Variants in DISP2 observed in about 807,000 individuals in gnomAD.
The protein encoded by DISP2 is dispatched RND transporter family member 2, also known as protein dispatched homolog 2.
A neutral mutation model predicts 95.5 loss-of-function variants in DISP2; 59 were observed. The ratio of observed to expected loss-of-function variants is 0.62; its 90% CI spans 0.50 to 0.77. The LOEUF (loss-of-function observed/expected upper bound fraction) is 0.77. Ranked by LOEUF, DISP2 falls within the 30% of genes least tolerant of loss-of-function variation. The probability of loss-of-function intolerance (pLI) is 0.00; values close to 1 mark genes in which losing one functional copy is unlikely to be tolerated. For synonymous variants in DISP2, 827 were observed against 815.0 expected (o/e 1.01, Z -0.25); for missense variants, 1,752 against 1,854.6 (o/e 0.94, Z 1.02).
At position 40,363,613 on chromosome 15, in the gene DISP2, C is replaced by T; in HGVS notation, c.120-12C>T. 4.6e-6 allele frequency: 7 copies of T among 1,512,224 alleles called. No homozygotes were observed. In the South Asian group the frequency reaches 8.0e-5, roughly 17 times the overall value. The allele number at this position is 1,512,224 out of a possible 1,614,324, so 93.7% of individuals were successfully genotyped here. On this transcript the variant is annotated splice_polypyrimidine_tract_variant and intron_variant, in intron 1 of 7. Transcript: ENST00000267889. Reference sequence around the variant, plus strand: ...CCCCCACCCCAATCTTCCTTGTCTCCTCTCTTCCTAGCACCCAGACCAAGG... The same window carrying T: ...CCCCCACCCCAATCTTCCTTGTCTCTTCTCTTCCTAGCACCCAGACCAAGG...
In DISP2 at chr15:40,375,564, A is replaced by G. The variant is rs1409990386; in HGVS notation, c.*5246A>G. The stretch of plus-strand genomic sequence containing the variant: ...AAAAAAAAAAAATTCTTCATGAAGA[A>G]AACTGAAGCCTTCAAATAGAAATTT... On this transcript the variant is annotated 3_prime_UTR_variant, in exon 8 of 8. Coordinates refer to ENST00000267889, the MANE Select transcript of DISP2 (RefSeq NM_033510.3). 6.6e-6 allele frequency: 1 copy of G among 152,100 alleles called. No homozygotes were observed. Among genetic ancestry groups the G allele is most frequent in the Non-Finnish European group, 1.5e-5 (1 of 68,038 alleles). The allele number at this position is 152,100 out of a possible 1,614,324, so 9.4% of individuals were successfully genotyped here. A position where few individuals can be genotyped will look rare whatever the true frequency, so the allele number is the denominator to read the frequency against.
chr15:40,364,206 TC>T lies in DISP2; in HGVS notation c.450-19del, dbSNP rs1228248294. 2 of 1,613,524 alleles carry T rather than the reference TC, an allele frequency of 1.2e-6. No individual in the cohort carries two copies. The highest frequency in any genetic ancestry group is 1.7e-6 in the Non-Finnish European group (2 of 1,179,734). On this transcript the variant is annotated intron_variant, in intron 2 of 7. Transcript: ENST00000267889. The stretch of plus-strand genomic sequence containing the variant: ...GCAAGAGAACTCTGGCAAGCAAGCA[TC>T]TTTTCTTCTCTTCCACAGGCAGGAA...
chr15:40,368,207 G>A lies in DISP2; in HGVS notation c.2095G>A (p.Val699Ile). Residue 699 changes from valine to isoleucine, a missense_variant, in exon 8 of 8, where the codon GTC becomes ATC. Around this residue, in one of 5 missense-constraint regions of DISP2, gnomAD observed 732 missense variants for 714.6 expected, o/e 1.02. Coordinates refer to ENST00000267889, the MANE Select transcript of DISP2 (RefSeq NM_033510.3). ...LLFQRLLPCGVIKFRYIWICW... is the reference protein window; with the variant it reads ...LLFQRLLPCGIIKFRYIWICW... ...CTTCCAGCGCCTGCTGCCCTGCGGC[G>A]TCATCAAGTTCCGCTACATCTGGAT... 2 of 1,609,032 alleles carry A rather than the reference G, an allele frequency of 1.2e-6. No homozygotes were observed. Among genetic ancestry groups the A allele is most frequent in the Non-Finnish European group, 1.7e-6 (2 of 1,178,830 alleles).
At chr15:40,364,605 C>A in intron 4 of DISP2, 61 bp downstream of exon 4, 1 of 1,584,464 alleles carries the variant, frequency 6.3e-7, no homozygotes, top group Non-Finnish European at 8.6e-7. Context: ...CAGCCTGGGG[C>A]AGAAAGTTGG....
In DISP2 at chr15:40,367,976, A is replaced by G. The variant is rs369206931; in HGVS notation, c.1864A>G (p.Met622Val). The G allele has an allele frequency of 5.8e-6, 9 of 1,560,626 alleles. No individual in the cohort carries two copies. Among genetic ancestry groups the G allele is most frequent in the African/African-American group, 5.4e-5 (4 of 73,756 alleles). The change falls in exon 8 of 8, where the codon ATG becomes GTG. Residue 622 changes from methionine to valine, a missense_variant. Physicochemically the swap from Met to Val is conservative, Grantham distance 21. Coordinates refer to ENST00000267889, the MANE Select transcript of DISP2 (RefSeq NM_033510.3). ...LPAVRCLALF[M>V]GTAVLVHLAL... ...GGCCGTTCGCTGCCTCGCCCTCTTC[A>G]TGGGCACGGCTGTGCTGGTGCACCT...
At position 40,375,075 on chromosome 15, in the gene DISP2, T is replaced by G. The variant is rs997209021; in HGVS notation, c.*4757T>G. 8 of 152,256 alleles carry G rather than the reference T, an allele frequency of 5.3e-5. No homozygotes were observed. The highest frequency in any genetic ancestry group is 1.9e-4 in the African/African-American group (8 of 41,466). The allele number at this position is 152,256 out of a possible 1,614,324, so 9.4% of individuals were successfully genotyped here. A position where few individuals can be genotyped will look rare whatever the true frequency, so the allele number is the denominator to read the frequency against. On this transcript the variant is annotated 3_prime_UTR_variant, in exon 8 of 8. Coordinates refer to ENST00000267889, the MANE Select transcript of DISP2 (RefSeq NM_033510.3). ...CCACACCCTTGTTCACAGGGATGAC[T>G]GTAACTAAGGTCTGCAGGTATTTAT...
rs1305650182 is a variant in DISP2, at chr15:40,370,307, T to G, written c.4195T>G (p.Tyr1399Asp). 1.3e-6 allele frequency: 2 copies of G among 1,531,512 alleles called. No homozygotes were observed. The highest frequency in any genetic ancestry group is 4.1e-5 in the Admixed American group (2 of 48,706). The allele number at this position is 1,531,512 out of a possible 1,614,324, so 94.9% of individuals were successfully genotyped here. ...LRRPSTHTSG[Y>D]SS is the part of the protein sequence containing the mutation. ...CAGGCCCAGCACTCACACGTCAGGC[T>G]ATAGCAGCTGAGGGGGACCCGGGGA... The change falls in exon 8 of 8, where the codon TAT (tyrosine) becomes GAT (aspartate). Residue 1399 changes from tyrosine (Y) to aspartate (D), a missense_variant. Coordinates refer to ENST00000267889, the MANE Select transcript of DISP2 (RefSeq NM_033510.3).
At position 40,368,610 on chromosome 15, in the gene DISP2, C is replaced by A. The variant is rs773882120; in HGVS notation, c.2498C>A (p.Pro833His). ...TTCGACACCCTGCAGGAAGGCTGGC[C>A]CACGCTGTGTTTCGTGGAGACCCTC... ...SFFDTLQEGWPTLCFVETLQR... is the reference protein window; with the variant it reads ...SFFDTLQEGWHTLCFVETLQR... Residue 833 changes from proline (P) to histidine (H), a missense_variant, in exon 8 of 8, where the codon CCC becomes CAC. Around this residue, in one of 5 missense-constraint regions of DISP2, gnomAD observed 317 missense variants for 394.9 expected, o/e 0.80. Transcript: ENST00000267889. 4.4e-6 allele frequency: 7 copies of A among 1,607,082 alleles called. No homozygotes were observed. The East Asian group carries it at 1.6e-4, about 36-fold the overall frequency.
At position 40,367,669 on chromosome 15, in the gene DISP2, G is replaced by T. The variant is rs966812423; in HGVS notation, c.1557G>T (p.Gly519=). Residue 519 remains glycine (G), a synonymous_variant, in exon 8 of 8, where the codon GGG becomes GGT. Transcript: ENST00000267889. ...TCCTCACGCTCATGGTGCTGCTGGG[G>T]GTGCTGGGCTCACTGCTGGTGGCCT... ...SLFLTLMVLL[G]VLGSLLVAFF... The T allele has an allele frequency of 6.2e-7, 1 of 1,613,882 alleles. No homozygotes were observed. Among genetic ancestry groups the T allele is most frequent in the Admixed American group, 1.7e-5 (1 of 59,992 alleles).
rs1244126773 is a variant in DISP2, at chr15:40,377,957, C to T, written c.*7639C>T. 1 of 152,192 alleles carries T rather than the reference C, an allele frequency of 6.6e-6. No homozygotes were observed. The highest frequency in any genetic ancestry group is 1.5e-5 in the Non-Finnish European group (1 of 68,044). 9.4% of individuals were successfully genotyped at this position (152,192 alleles called of 1,614,324 possible). A position where few individuals can be genotyped will look rare whatever the true frequency, so the allele number is the denominator to read the frequency against. ...CTAGTTTAAACATTGCTGGAACCTACCTAACAAATCTCAAAAGCAAGACCT... is the reference window on the plus strand; with the variant it reads ...CTAGTTTAAACATTGCTGGAACCTATCTAACAAATCTCAAAAGCAAGACCT... On this transcript the variant is annotated 3_prime_UTR_variant, in exon 8 of 8. Coordinates refer to ENST00000267889, the MANE Select transcript of DISP2 (RefSeq NM_033510.3).
intron 7 of DISP2, among the ~76,000 whole-genome samples, chr15:40,366,715 G>C (rs145639034): frequency 1.6e-3 from 245 of 152,360 alleles, no homozygotes; most frequent in African/African-American, 5.6e-3. Flanking sequence ...GCTTGCTTCA[G>C]CTCATTGGAC....
chr15:40,364,503 C>A lies in DISP2; in HGVS notation c.562C>A (p.Leu188Met), dbSNP rs560118609. ...CATCTTCCTCTGCACCCTGGCTGGACTGTTGGGGGCCCGGCTGCCCGACTT... is the reference window on the plus strand; with the variant it reads ...CATCTTCCTCTGCACCCTGGCTGGAATGTTGGGGGCCCGGCTGCCCGACTT... ...AVIFLCTLAG[L>M]LGARLPDFSK... is the part of the protein sequence containing the mutation. Residue 188 changes from leucine (L) to methionine (M), a missense_variant, in exon 4 of 8, where the codon CTG becomes ATG. Coordinates refer to ENST00000267889, the MANE Select transcript of DISP2 (RefSeq NM_033510.3). The A allele has an allele frequency of 3.7e-6, 6 of 1,614,034 alleles. No individual in the cohort carries two copies. The East Asian group carries it at 1.3e-4, about 36-fold the overall frequency.
chr15:40,363,900 AGC>A lies in DISP2; in HGVS notation c.399_400del (p.Asp134TrpfsTer33). The A allele has an allele frequency of 6.4e-7, 1 of 1,569,638 alleles. No individual in the cohort carries two copies. The highest frequency in any genetic ancestry group is 8.7e-7 in the Non-Finnish European group (1 of 1,155,236). ...CTCAGCCCTTCTCCAGCCCCCTCACAGCGCGATGGGACCTGGAAGCCACCCGC... is the reference window on the plus strand; with the variant it reads ...CTCAGCCCTTCTCCAGCCCCCTCACAGCGATGGGACCTGGAAGCCACCCGC... On this transcript the variant is annotated frameshift_variant, in exon 2 of 8. Transcript: ENST00000267889. LOFTEE classifies it high-confidence loss of function.
rs1266746740 is a variant in DISP2, at chr15:40,370,354, C to G, written c.*36C>G. The G allele has an allele frequency of 1.3e-6, 2 of 1,509,612 alleles. No homozygotes were observed. The highest frequency in any genetic ancestry group is 1.8e-6 in the Non-Finnish European group (2 of 1,132,232). The allele number at this position is 1,509,612 out of a possible 1,614,324, so 93.5% of individuals were successfully genotyped here. A position where few individuals can be genotyped will look rare whatever the true frequency, so the allele number is the denominator to read the frequency against. ...GGGAGGCTGGACAGGGCGCGGAACC[C>G]TGTCATGGATGACAAGGCAAGGGCA... On this transcript the variant is annotated 3_prime_UTR_variant, in exon 8 of 8. Coordinates refer to ENST00000267889, the MANE Select transcript of DISP2 (RefSeq NM_033510.3).
chr15:40,364,765 G>A (rs1294946926), intron 4 of DISP2, 73 bp from the exon 5 acceptor site: 27 of 1,482,736 alleles, frequency 1.8e-5, no homozygotes, highest in Admixed American at 3.9e-5. Flanking sequence ...AGTCAAAGGG[G>A]CAGAGCTGAG....
Position 40,364,263 on chromosome 15 carries a change from TG to T in DISP2, c.479+11del, listed in dbSNP as rs773126409. 6.2e-7 allele frequency: 1 copy of T among 1,614,126 alleles called. No individual in the cohort carries two copies. The highest frequency in any genetic ancestry group is 8.5e-7 in the Non-Finnish European group (1 of 1,180,012). Reference sequence around the variant, plus strand: ...CTTCCAGATGCCAAAGAGGTAGGCCTGGGCCTTCCCTGGACCTCTAGGGGTG... The same window carrying T: ...CTTCCAGATGCCAAAGAGGTAGGCCTGGCCTTCCCTGGACCTCTAGGGGTG... On this transcript the variant is annotated intron_variant, in intron 3 of 7. Transcript: ENST00000267889.
rs1566918367 is a variant in DISP2 at position 40,370,793 on chromosome 15, T to A, written c.*475T>A. The stretch of plus-strand genomic sequence containing the variant: ...TCTCACCCCTTTCATGGGCTCTTCA[T>A]CAGGACACTTCCCTCTCTTTTGGGA... On this transcript the variant is annotated 3_prime_UTR_variant, in exon 8 of 8. Coordinates refer to ENST00000267889, the MANE Select transcript of DISP2 (RefSeq NM_033510.3). The A allele has an allele frequency of 2.7e-6, 1 of 368,862 alleles. No individual in the cohort carries two copies. Among genetic ancestry groups the A allele is most frequent in the African/African-American group, 2.1e-5 (1 of 47,208 alleles). The allele number at this position is 368,862 out of a possible 1,614,324, so 22.8% of individuals were successfully genotyped here. A position where few individuals can be genotyped will look rare whatever the true frequency, so the allele number is the denominator to read the frequency against.
intron 1 of DISP2, among the ~76,000 whole-genome samples, chr15:40,360,034 C>T (rs1293586274): frequency 6.6e-6 from 1 of 152,192 alleles, no homozygotes; most frequent in African/African-American, 2.4e-5. Context: ...ATAGTTAATG[C>T]GATATACATT....
In DISP2 at chr15:40,358,248, G is replaced by GCCGCCACCGCCGCCGCCGCCA. The variant is rs1889343546; in HGVS notation, c.-54_-53insACCGCCACCGCCGCCGCCGCC. 3 of 1,034,676 alleles carry GCCGCCACCGCCGCCGCCGCCA rather than the reference G, an allele frequency of 2.9e-6. No individual in the cohort carries two copies. Among genetic ancestry groups the GCCGCCACCGCCGCCGCCGCCA allele is most frequent in the Non-Finnish European group, 3.6e-6 (3 of 839,520 alleles). The allele number at this position is 1,034,676 out of a possible 1,614,324, so 64.1% of individuals were successfully genotyped here. On this transcript the variant is annotated 5_prime_UTR_variant, in exon 1 of 8. Coordinates refer to ENST00000267889, the MANE Select transcript of DISP2 (RefSeq NM_033510.3). ...GCACGAGCACCCCGCCGCCGCTGCC[G>GCCGCCACCGCCGCCGCCGCCA]CCGCCACCGCCGCCGCCGCCGCCGC...
Sources: gnomAD v4.1 joint callset for allele counts (sites outside exome capture counted in the v4.1 genomes callset) on GRCh38, gnomAD v4.1.1 for gene constraint, gnomAD v4.1.1 regional missense constraint, MANE v1.5 for transcripts, NCBI Gene and HGNC (gene_info 2026-07-23, HGNC 2026-07-21) for gene names.